RPSA: variants seen among roughly 807,000 people sequenced by gnomAD.
RPSA encodes ribosomal protein SA, also known as small ribosomal subunit protein uS2.
For missense variants in RPSA, 140 were observed against 372.8 expected (o/e 0.38, Z 5.14); for synonymous variants, 103 against 126.7 (o/e 0.81, Z 1.25).
At chr3:39,410,314 T>C (rs1302302763) in intron 3 of RPSA, 1 of 178,910 alleles carries the variant, frequency 5.6e-6, no homozygotes, top group African/African-American at 2.3e-5. Flanking sequence ...TTTGACAGAT[T>C]TAAAAATTAT....
rs551750479 is a variant in RPSA at position 39,411,576 on chromosome 3, T to G, written c.499-73T>G. 74 of 1,549,084 alleles carry G rather than the reference T, an allele frequency of 4.8e-5. No individual in the cohort carries two copies. The Middle Eastern group carries it at 8.8e-4, about 18-fold the overall frequency. On this transcript the variant is annotated intron_variant, in intron 4 of 6. Transcript: ENST00000301821. Reference sequence around the variant, plus strand: ...CTGTACTTTTGGTACCTAGATGATGTAAGAGCCAGGAAGGTGCTTGCTGTT... The same window carrying G: ...CTGTACTTTTGGTACCTAGATGATGGAAGAGCCAGGAAGGTGCTTGCTGTT...
rs573464014 is a variant in RPSA at position 39,406,748 on chromosome 3, A to C, written c.-50A>C. On this transcript the variant is annotated 5_prime_UTR_variant, in exon 1 of 7. Transcript: ENST00000301821. ...TTCCGTGCTACCTGCAGAGGGGTCC[A>C]TACGGCGTTGTTCTGGGTGAGTTCC... 5 of 412,938 alleles carry C rather than the reference A, an allele frequency of 1.2e-5. No individual in the cohort carries two copies. The highest frequency in any genetic ancestry group is 2.4e-5 in the Non-Finnish European group (5 of 207,692). 25.6% of individuals were successfully genotyped at this position (412,938 alleles called of 1,614,324 possible).
intron 5 of RPSA, 23 bp from the exon 6 acceptor site, chr3:39,411,873 C>T (rs749366606): frequency 6.3e-7 from 1 of 1,599,538 alleles, no homozygotes; most frequent in South Asian, 1.1e-5. Flanking sequence ...GTAAGTCTTT[C>T]CTCTTTTTTT....
chr3:39,410,541 G>A, intron 3 of RPSA: 1 of 583,984 alleles, frequency 1.7e-6, no homozygotes, highest in Non-Finnish European at 3.0e-6. Context: ...GTGTTGCTAG[G>A]TGCTCGGGAT....
At chr3:39,411,606 T>G in intron 4 of RPSA, 43 bp from the exon 5 acceptor site, 1 of 1,607,284 alleles carries the variant, frequency 6.2e-7, no homozygotes, top group Non-Finnish European at 8.5e-7. Flanking sequence ...GCTGTTTGGG[T>G]TTGACCAAGT....
At chr3:39,406,941 T>C in intron 1 of RPSA, 177 bp downstream of exon 1, 1 of 453,206 alleles carries the variant, frequency 2.2e-6, no homozygotes, top group Non-Finnish European at 4.4e-6. Flanking sequence ...GCTGGCGGGT[T>C]CCCAGAGTGC....
intron 2 of RPSA, 41 bp from the exon 3 acceptor site, chr3:39,408,565 C>T (rs574844853): frequency 1.8e-6 from 2 of 1,094,280 alleles, no homozygotes; most frequent in East Asian, 2.3e-5. Context: ...AATGTTTGCA[C>T]AGCCAGGTCA....
chr3:39,408,512 G>A (rs1406886355), intron 2 of RPSA, 94 bp from the exon 3 acceptor site: 1 of 817,030 alleles, frequency 1.2e-6, no homozygotes, highest in African/African-American at 1.7e-5. Flanking sequence ...TCTATGACTG[G>A]AGTTTGGTAG....
chr3:39,411,042 A>T, intron 4 of RPSA, 43 bp downstream of exon 4: 1 of 1,596,516 alleles, frequency 6.3e-7, no homozygotes, highest in Non-Finnish European at 8.5e-7. Flanking sequence ...CGTGCTCTAG[A>T]AAAAACATTC....
At chr3:39,411,042 A>G (rs773237204) in intron 4 of RPSA, 43 bp downstream of exon 4, 2 of 1,596,398 alleles carry the variant, frequency 1.3e-6, no homozygotes, top group South Asian at 2.2e-5. Flanking sequence ...CGTGCTCTAG[A>G]AAAAACATTC....
intron 4 of RPSA, chr3:39,411,335 G>T: frequency 1.7e-6 from 1 of 602,676 alleles, no homozygotes; most frequent in Non-Finnish European, 3.0e-6. Flanking sequence ...CCAACTTGAT[G>T]GGTTCTACTA....
chr3:39,407,768 T>C lies in RPSA; in HGVS notation c.115T>C (p.Tyr39His), dbSNP rs1390873231. 1 of 1,598,100 alleles carries C rather than the reference T, an allele frequency of 6.3e-7. No homozygotes were observed. The highest frequency in any genetic ancestry group is 1.3e-5 in the African/African-American group (1 of 74,932). The change falls in exon 2 of 7, where the codon TAT becomes CAT. Residue 39 changes from tyrosine (Y) to histidine (H), a missense_variant. By Grantham distance (83) the Tyr-to-His change is moderately conservative. Coordinates refer to ENST00000301821, the MANE Select transcript of RPSA (RefSeq NM_002295.6). Reference sequence around the variant, plus strand: ...TGACTTCCAGATGGAACAGTACATCTATAAAAGGAAAAGTGATGGTTAGTC... The same window carrying C: ...TGACTTCCAGATGGAACAGTACATCCATAAAAGGAAAAGTGATGGTTAGTC... ...NLDFQMEQYI[Y>H]KRKSDGIYII...
chr3:39,408,514 GT>G, intron 2 of RPSA, 91 bp from the exon 3 acceptor site: 4 of 826,730 alleles, frequency 4.8e-6, no homozygotes, highest in Non-Finnish European at 8.7e-6. Context: ...TATGACTGGA[GT>G]TTGGTAGTAC....
chr3:39,408,945 G>C, intron 3 of RPSA: 1 of 469,308 alleles, frequency 2.1e-6, no homozygotes, highest in South Asian at 2.2e-5. Context: ...AATTAGTTGG[G>C]CGTGGGGGCG....
At chr3:39,408,978 CAGG>C (rs1221339668) in intron 3 of RPSA, 29 of 418,478 alleles carry the variant, frequency 6.9e-5, no homozygotes, top group African/African-American at 5.7e-4. Flanking sequence ...CCCAGCTACT[CAGG>C]AGGCCAAAGT....
rs943284457 is a variant in RPSA at position 39,409,874 on chromosome 3, A to T, written c.253-880A>T. On this transcript the variant is annotated intron_variant, in intron 3 of 6. Transcript: ENST00000301821. ...CATGGGTGGCTCATGCTTTTGTAAT[A>T]TGGGGTACTTTGTGAGGCTGAGGCT... Among the ~76,000 whole-genome samples the T allele has an allele frequency of 4.5e-4, 69 of 151,990 alleles. 1 individual carries two copies. The highest frequency in any genetic ancestry group is 4.5e-3 in the Admixed American group (69 of 15,242).
In RPSA at chr3:39,407,814, C is replaced by T. The variant is rs750319664; in HGVS notation, c.133+28C>T. On this transcript the variant is annotated intron_variant, in intron 2 of 6. Coordinates refer to ENST00000301821, the MANE Select transcript of RPSA (RefSeq NM_002295.6). ...TAGTCATTGCTTTAATTTTTTGTTA[C>T]TCCAGCTGTAAGTACAAATTTTGAG... 1.1e-5 allele frequency: 18 copies of T among 1,586,376 alleles called. No homozygotes were observed. The Admixed American group carries it at 2.7e-4, about 24-fold the overall frequency.
In RPSA at chr3:39,411,732, A is replaced by G. The variant is rs1024127563; in HGVS notation, c.582A>G (p.Pro194=). ...RMRGTISREH[P]WEVMPDLYFY... is the part of the protein sequence containing the mutation. ...GTGGCACCATTTCCCGTGAACACCC[A>G]TGGGAGGTCATGCCTGATCTGTACT... Residue 194 remains proline, a synonymous_variant, in exon 5 of 7, where the codon CCA becomes CCG. Coordinates refer to ENST00000301821, the MANE Select transcript of RPSA (RefSeq NM_002295.6). 1.4e-5 allele frequency: 23 copies of G among 1,600,232 alleles called. No homozygotes were observed. The highest frequency in any genetic ancestry group is 1.9e-5 in the Non-Finnish European group (23 of 1,179,924).
chr3:39,411,881 T>G lies in RPSA; in HGVS notation c.628-15T>G. On this transcript the variant is annotated splice_polypyrimidine_tract_variant and intron_variant, in intron 5 of 6. Coordinates refer to ENST00000301821, the MANE Select transcript of RPSA (RefSeq NM_002295.6). ...AGTCCCTGTAAGTCTTTCCTCTTTT[T>G]TTTTTGTAACCCAGATTGAAAAAGA... 1 of 1,599,720 alleles carries G rather than the reference T, an allele frequency of 6.3e-7. No individual in the cohort carries two copies. The highest frequency in any genetic ancestry group is 8.5e-7 in the Non-Finnish European group (1 of 1,179,942).
Sources: gnomAD v4.1 joint callset for allele counts (sites outside exome capture counted in the v4.1 genomes callset) on GRCh38, gnomAD v4.1.1 for gene constraint, MANE v1.5 for transcripts, NCBI Gene and HGNC (gene_info 2026-07-23, HGNC 2026-07-21) for gene names.